RBMS3: variants seen among roughly 807,000 people sequenced by gnomAD.
RBMS3 encodes RNA binding motif single stranded interacting protein 3, also known as RNA-binding motif, single-stranded-interacting protein 3.
Under a neutral mutation model 66.8 loss-of-function variants are expected in RBMS3, and 27 were observed. The observed-to-expected ratio is 0.40, with a 90% CI of 0.30 to 0.56. The LOEUF (loss-of-function observed/expected upper bound fraction) is 0.56. Ranked by LOEUF, RBMS3 falls within the 20% of genes least tolerant of loss-of-function variation. The pLI is 0.40. For missense variants in RBMS3, 513 were observed against 549.5 expected (o/e 0.93, Z 0.66); for synonymous variants, 188 against 183.0 (o/e 1.03, Z -0.22).
intron 3 of RBMS3, among the ~76,000 whole-genome samples, chr3:29,517,332 T>G (rs1235350559): frequency 2.7e-5 from 4 of 149,692 alleles, no homozygotes; most frequent in South Asian, 4.3e-4. Context: ...TTTTTTTTGT[T>G]TTTTTTTTGA....
intron 2 of RBMS3, among the ~76,000 whole-genome samples, chr3:29,476,969 CATT>C (rs1049342385): frequency 4.6e-5 from 7 of 152,124 alleles, no homozygotes; most frequent in African/African-American, 1.7e-4. Flanking sequence ...AGAAATACAT[CATT>C]GAGTTATTTG....
chr3:29,650,284 T>C (rs917243954), intron 4 of RBMS3, among the ~76,000 whole-genome samples: 7 of 150,158 alleles, frequency 4.7e-5, no homozygotes, highest in Non-Finnish European at 7.4e-5. Flanking sequence ...TCTTTCTTTT[T>C]TTTTTTTTTT....
At chr3:29,527,360 A>C (rs1405101045) in intron 3 of RBMS3, among the ~76,000 whole-genome samples, 2 of 152,184 alleles carry the variant, frequency 1.3e-5, no homozygotes, top group African/African-American at 4.8e-5. Context: ...AATTTAGGCC[A>C]TTCTTTTCAG....
At chr3:29,413,263 A>G (rs1293638984) in intron 1 of RBMS3, among the ~76,000 whole-genome samples, 1 of 152,102 alleles carries the variant, frequency 6.6e-6, no homozygotes, top group East Asian at 1.9e-4. Flanking sequence ...CCAGTTACTC[A>G]GGAGGCTGAG....
intron 3 of RBMS3, among the ~76,000 whole-genome samples, chr3:29,499,526 A>C (rs2043885661): frequency 6.6e-6 from 1 of 152,188 alleles, no homozygotes; most frequent in Non-Finnish European, 1.5e-5. Flanking sequence ...TAAGTACTTT[A>C]ATATGATCAT....
intron 6 of RBMS3, chr3:29,766,794 A>G (rs2055947153): frequency 6.6e-6 from 1 of 151,966 alleles, no homozygotes; most frequent in African/African-American, 2.4e-5. Flanking sequence ...GTTAACAAAG[A>G]TCAGTCACAT....
intron 4 of RBMS3, among the ~76,000 whole-genome samples, chr3:29,711,096 A>G (rs900435244): frequency 6.6e-6 from 1 of 152,162 alleles, no homozygotes; most frequent in African/African-American, 2.4e-5. Context: ...GTGTTTTCCT[A>G]TACATACATA....
At chr3:29,896,101 G>T (rs1416922730) in intron 8 of RBMS3, among the ~76,000 whole-genome samples, 1 of 151,112 alleles carries the variant, frequency 6.6e-6, no homozygotes, top group African/African-American at 2.4e-5. Context: ...TCAAATCATT[G>T]TTAAGAGTTA....
At chr3:29,686,868 A>G (rs530868170) in intron 4 of RBMS3, among the ~76,000 whole-genome samples, 1 of 152,342 alleles carries the variant, frequency 6.6e-6, no homozygotes, top group Non-Finnish European at 1.5e-5. Flanking sequence ...ATGTGTAACA[A>G]AACCTTAGGA....
chr3:29,984,587 A>T (rs1053867627), intron 12 of RBMS3, among the ~76,000 whole-genome samples: 3 of 151,818 alleles, frequency 2.0e-5, no homozygotes, highest in Non-Finnish European at 4.4e-5. Context: ...TGACCTTCAG[A>T]TGGGTTTTTT....
intron 1 of RBMS3, among the ~76,000 whole-genome samples, chr3:29,355,416 C>T (rs2037162873): frequency 6.6e-6 from 1 of 152,080 alleles, no homozygotes; most frequent in Admixed American, 6.6e-5. Context: ...ATCTGGCTTA[C>T]TGCTTAGTTC....
At chr3:29,512,981 T>TA (rs1314185039) in intron 3 of RBMS3, among the ~76,000 whole-genome samples, 1 of 152,186 alleles carries the variant, frequency 6.6e-6, no homozygotes, top group Non-Finnish European at 1.5e-5. Flanking sequence ...ACTTGAGAGG[T>TA]AACTTGCTAT....
chr3:29,524,401 G>T (rs1307675984), intron 3 of RBMS3, among the ~76,000 whole-genome samples: 1 of 141,334 alleles, frequency 7.1e-6, no homozygotes, highest in Non-Finnish European at 1.5e-5. Flanking sequence ...GAAGATATGA[G>T]TGACTCCCTT....
At chr3:29,394,862 T>C (rs1381966261) in intron 1 of RBMS3, among the ~76,000 whole-genome samples, 2 of 152,192 alleles carry the variant, frequency 1.3e-5, no homozygotes, top group East Asian at 3.9e-4. Context: ...ACCTCAGATT[T>C]GGCCTTTCTT....
chr3:29,801,263 G>GTTTTTTTT (rs1491532943), intron 6 of RBMS3, among the ~76,000 whole-genome samples: 2 of 83,614 alleles, frequency 2.4e-5, no homozygotes, highest in Non-Finnish European at 5.6e-5. Flanking sequence ...AAGAATCATT[G>GTTTTTTTT]CTTTTTTTCT....
chr3:29,883,313 C>T (rs1206997924), intron 7 of RBMS3, among the ~76,000 whole-genome samples: 2 of 152,002 alleles, frequency 1.3e-5, no homozygotes, highest in African/African-American at 2.4e-5. Flanking sequence ...CTGGTTCTGC[C>T]TCCAAATGTG....
chr3:29,656,107 A>T (rs2050318569), intron 4 of RBMS3, among the ~76,000 whole-genome samples: 1 of 152,202 alleles, frequency 6.6e-6, no homozygotes, highest in African/African-American at 2.4e-5. Context: ...AAGGTAAAAA[A>T]GTTACAGTAA....
intron 3 of RBMS3, among the ~76,000 whole-genome samples, chr3:29,549,964 A>G (rs1159662121): frequency 1.3e-5 from 2 of 152,174 alleles, no homozygotes; most frequent in Non-Finnish European, 2.9e-5. Flanking sequence ...GGCATTAAAA[A>G]AAATGAAACA....
chr3:29,674,870 C>G (rs1283820918), intron 4 of RBMS3, among the ~76,000 whole-genome samples: 1 of 152,008 alleles, frequency 6.6e-6, no homozygotes, highest in Non-Finnish European at 1.5e-5. Context: ...ATCAAGCAAC[C>G]AATTACTTTC....
Sources: allele counts gnomAD v4.1 joint callset (sites outside exome capture counted in the v4.1 genomes callset), GRCh38; gene constraint gnomAD v4.1.1; transcripts MANE v1.5; gene names NCBI Gene and HGNC (gene_info 2026-07-23, HGNC 2026-07-21).